The following DAP variants were observed in gnomAD, a reference collection of about 807,000 sequenced individuals.
The protein encoded by DAP is death associated protein.
In DAP, 8 loss-of-function variants were observed where a neutral mutation model predicts 13.8. The observed-to-expected ratio is 0.58, with a 90% CI of 0.34 to 1.05. The LOEUF (loss-of-function observed/expected upper bound fraction) is 1.05. Among genes scored for constraint, DAP ranks in the 50% least tolerant of loss-of-function variants. The probability of loss-of-function intolerance (pLI) is 0.03; values close to 1 mark genes in which losing one functional copy is unlikely to be tolerated. For missense variants in DAP, 106 were observed against 133.2 expected, an observed-to-expected ratio of 0.80 and a Z score of 1.01; for synonymous variants, 47 against 47.5, an observed-to-expected ratio of 0.99 and a Z score of 0.04.
At chr5:10,710,626 C>T (rs941225140) in intron 2 of DAP, among the ~76,000 whole-genome samples, 2 of 152,132 alleles carry the variant, frequency 1.3e-5, no homozygotes, top group African/African-American at 4.8e-5. Flanking sequence ...AATGGACGGG[C>T]TGGTGGGAAG....
intron 2 of DAP, among the ~76,000 whole-genome samples, chr5:10,694,811 G>T (rs563452806): frequency 1.3e-3 from 191 of 152,238 alleles, no homozygotes; most frequent in African/African-American, 4.1e-3. Flanking sequence ...CAGCACATGC[G>T]CTCATTGACC....
At chr5:10,760,509 TGGC>T (rs1355644683) in intron 1 of DAP, among the ~76,000 whole-genome samples, 1 of 152,210 alleles carries the variant, frequency 6.6e-6, no homozygotes. Context: ...TGGAAGAAAC[TGGC>T]GGTGAAAGTC....
At chr5:10,719,826 A>T (rs1739092146) in intron 2 of DAP, among the ~76,000 whole-genome samples, 1 of 152,114 alleles carries the variant, frequency 6.6e-6, no homozygotes, top group African/African-American at 2.4e-5. Context: ...GTTCCCTATG[A>T]TCAGTTGGCA....
intron 2 of DAP, among the ~76,000 whole-genome samples, chr5:10,690,449 C>T (rs953946654): frequency 3.3e-5 from 5 of 152,204 alleles, no homozygotes; most frequent in Non-Finnish European, 5.9e-5. Flanking sequence ...AACAGAAAGT[C>T]TGTCCCCATT....
Position 10,682,511 on chromosome 5 carries a change from G to T in DAP, c.195+1018C>A, listed in dbSNP as rs1378972230. 5.6e-5 allele frequency among the ~76,000 whole-genome samples: 8 copies of T among 144,040 alleles called. No homozygotes were observed. The South Asian group carries it at 6.8e-4, about 12-fold the overall frequency. 94.5% of individuals were successfully genotyped at this position (144,040 alleles called of 152,430 possible). ...CCCTGCAGGAAGCATGGGGTTTGTG[G>T]GTGAGGAAGCTCCAGGCCAGCGCCC... On this transcript the variant is annotated intron_variant, in intron 3 of 3. Transcript: ENST00000230895.
At chr5:10,682,079 G>C (rs1738027932) in intron 3 of DAP, among the ~76,000 whole-genome samples, 1 of 150,992 alleles carries the variant, frequency 6.6e-6, no homozygotes, top group East Asian at 2.0e-4. Context: ...ACGCCCACCA[G>C]CGTCCCTGCA....
chr5:10,722,061 G>A (rs1453717718), intron 2 of DAP, among the ~76,000 whole-genome samples: 1 of 152,168 alleles, frequency 6.6e-6, no homozygotes, highest in Non-Finnish European at 1.5e-5. Context: ...GATTATGTAT[G>A]ATCTCAGGAA....
At chr5:10,690,016 C>CCCATCTG (rs1738265072) in intron 2 of DAP, among the ~76,000 whole-genome samples, 1 of 152,168 alleles carries the variant, frequency 6.6e-6, no homozygotes, top group Non-Finnish European at 1.5e-5. Context: ...CTCCAGCGCC[C>CCCATCTG]CCATCTGTTT....
chr5:10,698,733 C>T (rs1232630124), intron 2 of DAP, among the ~76,000 whole-genome samples: 1 of 152,114 alleles, frequency 6.6e-6, no homozygotes, highest in Non-Finnish European at 1.5e-5. Flanking sequence ...TTCTATCTAT[C>T]AATCATCCAT....
At chr5:10,713,432 G>A (rs571515230) in intron 2 of DAP, among the ~76,000 whole-genome samples, 3 of 152,172 alleles carry the variant, frequency 2.0e-5, no homozygotes, top group Non-Finnish European at 4.4e-5. Context: ...GGAGGAGCAG[G>A]GAATGAGGGA....
chr5:10,704,428 T>G (rs988195514), intron 2 of DAP, among the ~76,000 whole-genome samples: 1 of 152,112 alleles, frequency 6.6e-6, no homozygotes, highest in African/African-American at 2.4e-5. Flanking sequence ...ATGGGCACTT[T>G]CCGCTCACCA....
intron 2 of DAP, among the ~76,000 whole-genome samples, chr5:10,712,670 A>C (rs533959580): frequency 1.2e-3 from 179 of 152,304 alleles, no homozygotes; most frequent in African/African-American, 3.8e-3. Flanking sequence ...GCAGGAACCC[A>C]CAGGACCAAC....
At position 10,735,949 on chromosome 5, in the gene DAP, A is replaced by C. The variant is rs150449945; in HGVS notation, c.152+12226T>G. ...ACTTAAGGGCATGACCTTATCTACA[A>C]ACAGGGTTGTTGCAGATGTAATTAG... is the stretch of plus-strand genomic sequence containing the variant. On this transcript the variant is annotated intron_variant, in intron 2 of 3. Coordinates refer to ENST00000230895, the MANE Select transcript of DAP (RefSeq NM_004394.3). 3.8e-3 allele frequency among the ~76,000 whole-genome samples: 575 copies of C among 152,328 alleles called. 6 individuals carry two copies. The highest frequency in any genetic ancestry group is 6.4e-3 in the Non-Finnish European group (434 of 68,024).
At chr5:10,704,583 A>ATC (rs1234654616) in intron 2 of DAP, among the ~76,000 whole-genome samples, 1 of 152,222 alleles carries the variant, frequency 6.6e-6, no homozygotes, top group Non-Finnish European at 1.5e-5. Flanking sequence ...CTATACACTT[A>ATC]TCTGTATAGA....
intron 2 of DAP, among the ~76,000 whole-genome samples, chr5:10,741,352 C>CA (rs991617291): frequency 2.6e-5 from 4 of 151,704 alleles, no homozygotes; most frequent in Admixed American, 6.6e-5. Flanking sequence ...GACCCTGTCT[C>CA]AAAAAAAAGC....
At chr5:10,739,087 AGCT>A (rs1739686833) in intron 2 of DAP, among the ~76,000 whole-genome samples, 1 of 150,694 alleles carries the variant, frequency 6.6e-6, no homozygotes, top group South Asian at 2.1e-4. Context: ...CTGTAGTCCC[AGCT>A]GCTGGGGAGG....
intron 2 of DAP, among the ~76,000 whole-genome samples, chr5:10,721,183 T>C (rs372954434): frequency 6.6e-6 from 1 of 152,168 alleles, no homozygotes; most frequent in African/African-American, 2.4e-5. Context: ...GCCTCCAATA[T>C]ATGTTACTGT....
Position 10,707,323 on chromosome 5 carries a change from G to T in DAP, c.153-23752C>A, listed in dbSNP as rs1738723101. ...GAGGCAGACATGTGGGTGGGTTCGG[G>T]AATGGGAGAACTGCCCAAGGGTGCA... On this transcript the variant is annotated intron_variant, in intron 2 of 3. Transcript: ENST00000230895. This position sits in a 1 kb window ranked among gnomAD's most constrained non-coding sequence, Gnocchi z 4.0. 6.6e-6 allele frequency among the ~76,000 whole-genome samples: 1 copy of T among 152,190 alleles called. No homozygotes were observed. The highest frequency in any genetic ancestry group is 1.9e-4 in the East Asian group (1 of 5,200).
At chr5:10,735,221 A>G (rs951675262) in intron 2 of DAP, among the ~76,000 whole-genome samples, 3 of 152,234 alleles carry the variant, frequency 2.0e-5, no homozygotes, top group Non-Finnish European at 4.4e-5. Context: ...GTTAATCTCA[A>G]TACAAGCACA....
Sources: gnomAD v4.1 joint callset for allele counts (sites outside exome capture counted in the v4.1 genomes callset) on GRCh38, gnomAD v4.1.1 for gene constraint, Gnocchi (gnomAD v3.1) non-coding constraint, MANE v1.5 for transcripts, NCBI Gene and HGNC (gene_info 2026-07-23, HGNC 2026-07-21) for gene names.